IGSF21: variants seen among roughly 807,000 people sequenced by gnomAD.
IGSF21 encodes the protein immunoglobulin superfamily member 21.
IGSF21 carries 28 observed loss-of-function variants against 46.8 expected under a neutral mutation model. The observed-to-expected ratio is 0.60, with a 90% CI of 0.44 to 0.82. IGSF21 has a LOEUF of 0.82. Ranked by LOEUF, IGSF21 falls within the 40% of genes least tolerant of loss-of-function variation. The pLI is 0.00. For synonymous variants in IGSF21, 284 were observed against 273.6 expected (o/e 1.04, Z -0.38); for missense variants, 624 against 665.5 (o/e 0.94, Z 0.69).
chr1:18,140,733 C>A (rs1381668108), intron 1 of IGSF21, among the ~76,000 whole-genome samples: 3 of 152,224 alleles, frequency 2.0e-5, no homozygotes, highest in Non-Finnish European at 4.4e-5. Flanking sequence ...CCTGACTACG[C>A]CCTGTGCTTG....
intron 3 of IGSF21, among the ~76,000 whole-genome samples, chr1:18,303,078 G>A (rs1388802773): frequency 6.6e-6 from 1 of 152,128 alleles, no homozygotes; most frequent in Non-Finnish European, 1.5e-5. Context: ...GTCTTGCCTG[G>A]GGCCCCCAAC....
chr1:18,305,229 G>A (rs1398869595), intron 3 of IGSF21, among the ~76,000 whole-genome samples: 3 of 151,710 alleles, frequency 2.0e-5, no homozygotes, highest in South Asian at 2.1e-4. Flanking sequence ...ATGGATGGAC[G>A]ATGGATGAAT....
Position 18,365,838 on chromosome 1 carries a change from G to A in IGSF21, c.1015+141G>A. 2.9e-6 allele frequency: 2 copies of A among 693,984 alleles called. No individual in the cohort carries two copies. The highest frequency in any genetic ancestry group is 3.9e-5 in the South Asian group (2 of 51,842). The allele number at this position is 693,984 out of a possible 1,614,324, so 43.0% of individuals were successfully genotyped here. A position where few individuals can be genotyped will look rare whatever the true frequency, so the allele number is the denominator to read the frequency against. On this transcript the variant is annotated intron_variant, in intron 6 of 9. Transcript: ENST00000251296. The surrounding 1 kb of genome is among the most constrained non-coding windows in gnomAD (Gnocchi z 4.8). Reference sequence around the variant, plus strand: ...AACTGGAGTCAGGATGAGCACAAATGGTAGAGTCAGGTTCTTAGGGAGGTT... The same window carrying A: ...AACTGGAGTCAGGATGAGCACAAATAGTAGAGTCAGGTTCTTAGGGAGGTT...
intron 4 of IGSF21, among the ~76,000 whole-genome samples, chr1:18,344,467 C>T (rs919293354): frequency 6.6e-6 from 1 of 152,176 alleles, no homozygotes; most frequent in Non-Finnish European, 1.5e-5. Context: ...GGGCAGACCT[C>T]ACCCCTCTCA....
At chr1:18,205,302 T>C (rs1408434319) in intron 1 of IGSF21, among the ~76,000 whole-genome samples, 1 of 152,204 alleles carries the variant, frequency 6.6e-6, no homozygotes, top group Non-Finnish European at 1.5e-5. Context: ...AATAAACATA[T>C]ATGATTCTTG....
At chr1:18,369,225 A>T (rs1180391978) in intron 6 of IGSF21, among the ~76,000 whole-genome samples, 1 of 152,208 alleles carries the variant, frequency 6.6e-6, no homozygotes, top group Non-Finnish European at 1.5e-5. Flanking sequence ...GTGAGAATTC[A>T]GACTTCTTAA....
intron 3 of IGSF21, among the ~76,000 whole-genome samples, chr1:18,302,909 T>C (rs1308001647): frequency 1.3e-5 from 2 of 152,190 alleles, no homozygotes; most frequent in African/African-American, 4.8e-5. Context: ...CTATTTGACC[T>C]TGGACCCACA....
chr1:18,360,633 C>T (rs1190950233), intron 4 of IGSF21, among the ~76,000 whole-genome samples: 2 of 152,174 alleles, frequency 1.3e-5, no homozygotes, highest in East Asian at 1.9e-4. Flanking sequence ...CCTCCCTGTG[C>T]GTGTCCCAAG....
At chr1:18,167,184 G>A (rs774003757) in intron 1 of IGSF21, among the ~76,000 whole-genome samples, 8 of 152,172 alleles carry the variant, frequency 5.3e-5, no homozygotes, top group Admixed American at 2.0e-4. Context: ...GGCACGGATC[G>A]CAGAGGGCTT....
At chr1:18,210,486 T>C (rs1485181776) in intron 1 of IGSF21, among the ~76,000 whole-genome samples, 1 of 152,154 alleles carries the variant, frequency 6.6e-6, no homozygotes, top group Non-Finnish European at 1.5e-5. Flanking sequence ...GGGGTAACGT[T>C]TGGGGAGAAG....
At chr1:18,154,299 G>A (rs911527010) in intron 1 of IGSF21, among the ~76,000 whole-genome samples, 6 of 151,920 alleles carry the variant, frequency 3.9e-5, no homozygotes, top group Admixed American at 2.6e-4. Flanking sequence ...TCTTTCTTTT[G>A]TCATCTCTTT....
intron 3 of IGSF21, among the ~76,000 whole-genome samples, chr1:18,310,509 T>C (rs1214060661): frequency 6.6e-6 from 1 of 152,248 alleles, no homozygotes; most frequent in Non-Finnish European, 1.5e-5. Flanking sequence ...GGAGTGGCAT[T>C]GGAGCTGTTG....
chr1:18,135,427 A>G (rs2086359990), intron 1 of IGSF21, among the ~76,000 whole-genome samples: 2 of 122,614 alleles, frequency 1.6e-5, no homozygotes, highest in South Asian at 6.4e-4. Context: ...CAACCCCACA[A>G]CAGTCCCCAG....
At chr1:18,299,894 C>T (rs1004264178) in intron 3 of IGSF21, among the ~76,000 whole-genome samples, 1 of 152,086 alleles carries the variant, frequency 6.6e-6, no homozygotes, top group African/African-American at 2.4e-5. Context: ...AGGTCTCCTC[C>T]CAGCCACTAG....
intron 1 of IGSF21, among the ~76,000 whole-genome samples, chr1:18,217,382 C>T (rs371719676): frequency 2.6e-5 from 4 of 152,294 alleles, no homozygotes; most frequent in Admixed American, 1.3e-4. Context: ...GGGTGATACA[C>T]GGCAGACACT....
chr1:18,223,221 C>T (rs1359145342), intron 1 of IGSF21, among the ~76,000 whole-genome samples: 4 of 152,262 alleles, frequency 2.6e-5, no homozygotes, highest in Non-Finnish European at 5.9e-5. Context: ...TGGTTCCTAT[C>T]ATTCAGTGTG....
intron 2 of IGSF21, among the ~76,000 whole-genome samples, chr1:18,257,615 A>C (rs2084904245): frequency 6.6e-6 from 1 of 152,078 alleles, no homozygotes; most frequent in African/African-American, 2.4e-5. Flanking sequence ...GCCAACAAAC[A>C]CTTAGCAGTA....
At chr1:18,366,636 G>C (rs2086167883) in intron 6 of IGSF21, among the ~76,000 whole-genome samples, 1 of 152,178 alleles carries the variant, frequency 6.6e-6, no homozygotes, top group South Asian at 2.1e-4. Context: ...GTTGGGGTCA[G>C]GAACACATAG....
chr1:18,319,526 T>A (rs2085579935), intron 3 of IGSF21, among the ~76,000 whole-genome samples: 1 of 150,616 alleles, frequency 6.6e-6, no homozygotes. Flanking sequence ...GATGAAACTT[T>A]GTCTTTGACT....
Sources: allele counts gnomAD v4.1 joint callset (sites outside exome capture counted in the v4.1 genomes callset), GRCh38; gene constraint gnomAD v4.1.1; non-coding constraint Gnocchi (gnomAD v3.1); transcripts MANE v1.5; gene names NCBI Gene and HGNC (gene_info 2026-07-23, HGNC 2026-07-21).